The following UBE2K variants were observed in gnomAD, a reference collection of about 807,000 sequenced individuals.
UBE2K encodes the protein ubiquitin-conjugating enzyme E2 K.
A neutral mutation model predicts 30.0 loss-of-function variants in UBE2K; 6 were observed. The ratio of observed to expected loss-of-function variants is 0.20; its 90% CI spans 0.11 to 0.39. The LOEUF (loss-of-function observed/expected upper bound fraction) is 0.39. UBE2K is among the 10% of genes least tolerant of loss of function. The pLI, the probability that UBE2K is intolerant of heterozygous loss-of-function variation, is 1.00. For synonymous variants in UBE2K, 86 were observed against 83.7 expected (o/e 1.03, Z -0.15); for missense variants, 61 against 241.6 (o/e 0.25, Z 4.96).
chr4:39,743,045 G>GTA (rs1302316221), intron 2 of UBE2K, among the ~76,000 whole-genome samples: 1 of 140,538 alleles, frequency 7.1e-6, no homozygotes, highest in African/African-American at 2.6e-5. Flanking sequence ...CCCTGTCTCA[G>GTA]GAAAAAAAAA....
intron 6 of UBE2K, 92 bp from the exon 7 acceptor site, chr4:39,778,268 G>T: frequency 1.5e-6 from 1 of 685,774 alleles, no homozygotes; most frequent in Non-Finnish European, 2.3e-6. Flanking sequence ...AAAGAAACAA[G>T]GTGTTAATTC....
chr4:39,712,861 C>CTTT (rs542180052), intron 1 of UBE2K, among the ~76,000 whole-genome samples: 22 of 133,702 alleles, frequency 1.6e-4, no homozygotes, highest in African/African-American at 6.1e-4. Flanking sequence ...TTAGTGTTTA[C>CTTT]TTTTTTTTTT....
intron 4 of UBE2K, among the ~76,000 whole-genome samples, chr4:39,757,424 A>T (rs188034707): frequency 6.6e-6 from 1 of 152,056 alleles, no homozygotes; most frequent in Admixed American, 6.6e-5. Context: ...CCAGTGGTTT[A>T]CTTAGTAACT....
chr4:39,771,438 G>A (rs908906350), intron 4 of UBE2K: 3 of 1,587,636 alleles, frequency 1.9e-6, no homozygotes, highest in Non-Finnish European at 2.6e-6. Context: ...AGAGGCCATT[G>A]TGGCGGGGGT....
chr4:39,768,276 C>A (rs868368951), intron 4 of UBE2K, among the ~76,000 whole-genome samples: 28 of 113,526 alleles, frequency 2.5e-4, no homozygotes, highest in East Asian at 2.6e-4. Context: ...CCGTCTCTAC[C>A]AAAAAAAAAA....
At chr4:39,707,445 C>T (rs755826385) in intron 1 of UBE2K, among the ~76,000 whole-genome samples, 7 of 151,870 alleles carry the variant, frequency 4.6e-5, no homozygotes, top group Non-Finnish European at 8.8e-5. Context: ...GGTGATCCGC[C>T]TGCCTTGGCT....
intron 1 of UBE2K, among the ~76,000 whole-genome samples, chr4:39,723,460 C>T (rs1719545910): frequency 6.6e-6 from 1 of 151,532 alleles, no homozygotes; most frequent in Non-Finnish European, 1.5e-5. Flanking sequence ...GCTCTGCCTC[C>T]CAGGTTCATG....
chr4:39,721,296 C>G (rs746394050), intron 1 of UBE2K, among the ~76,000 whole-genome samples: 5 of 152,038 alleles, frequency 3.3e-5, no homozygotes, highest in Non-Finnish European at 5.9e-5. Flanking sequence ...TTTAGGAAAC[C>G]TTTTTAGGTA....
intron 1 of UBE2K, among the ~76,000 whole-genome samples, chr4:39,703,028 C>T (rs144763516): frequency 0.011 from 1,653 of 152,078 alleles, 39 homozygotes; most frequent in African/African-American, 0.038. Flanking sequence ...GAGTCTTGCT[C>T]AGTCACCCAG....
chr4:39,728,827 G>GTTTTTTTTTTTTTTTTTT (rs372834149), intron 1 of UBE2K, among the ~76,000 whole-genome samples: 2 of 128,672 alleles, frequency 1.6e-5, no homozygotes, highest in East Asian at 2.1e-4. Context: ...TGTTTTTTTT[G>GTTTTTTTTTTTTTTTTTT]TTTTTTTTTT....
chr4:39,767,300 T>G (rs1025393010), intron 4 of UBE2K, among the ~76,000 whole-genome samples: 2 of 79,066 alleles, frequency 2.5e-5, no homozygotes, highest in Admixed American at 1.1e-4. Flanking sequence ...TTTTTTTCTG[T>G]TTTTTTTTTT....
At chr4:39,704,910 C>T (rs1489820786) in intron 1 of UBE2K, among the ~76,000 whole-genome samples, 2 of 144,772 alleles carry the variant, frequency 1.4e-5, no homozygotes, top group African/African-American at 5.3e-5. Flanking sequence ...CTCCCTCTGT[C>T]GCCCAGGCTG....
intron 5 of UBE2K, among the ~76,000 whole-genome samples, chr4:39,776,276 T>G (rs1713278571): frequency 1.3e-5 from 2 of 152,232 alleles, no homozygotes; most frequent in African/African-American, 4.8e-5. Flanking sequence ...TCTGTCACTA[T>G]ATTTACATAA....
intron 4 of UBE2K, among the ~76,000 whole-genome samples, chr4:39,772,154 T>C (rs1712927689): frequency 6.6e-6 from 1 of 152,124 alleles, no homozygotes; most frequent in African/African-American, 2.4e-5. Context: ...ACTTTTATCG[T>C]AGGCATCTAG....
intron 1 of UBE2K, among the ~76,000 whole-genome samples, chr4:39,708,888 C>A (rs1489404488): frequency 1.3e-5 from 2 of 149,878 alleles, no homozygotes; most frequent in Non-Finnish European, 3.0e-5. Flanking sequence ...TACAACTTTA[C>A]AGAAGGGGAT....
intron 1 of UBE2K, among the ~76,000 whole-genome samples, chr4:39,703,694 A>G (rs529575535): frequency 6.6e-6 from 1 of 151,924 alleles, no homozygotes; most frequent in South Asian, 2.1e-4. Flanking sequence ...TAAAAATACA[A>G]AAATTAGCCG....
intron 1 of UBE2K, among the ~76,000 whole-genome samples, chr4:39,725,714 A>G (rs1177775722): frequency 6.6e-6 from 1 of 152,118 alleles, no homozygotes; most frequent in African/African-American, 2.4e-5. Context: ...ATTTTCTTCC[A>G]TCCTCACTGT....
chr4:39,735,309 A>G (rs1204079248), intron 1 of UBE2K, among the ~76,000 whole-genome samples: 1 of 152,204 alleles, frequency 6.6e-6, no homozygotes, highest in Non-Finnish European at 1.5e-5. Flanking sequence ...TCCCTGGTTC[A>G]AGTGATTCTC....
intron 4 of UBE2K, among the ~76,000 whole-genome samples, chr4:39,759,323 C>T (rs529379704): frequency 5.6e-4 from 85 of 152,252 alleles, no homozygotes; most frequent in African/African-American, 1.9e-3. Flanking sequence ...GTCACCCAGG[C>T]TGGAGTGCAA....
Sources: gnomAD v4.1 joint callset for allele counts (sites outside exome capture counted in the v4.1 genomes callset) on GRCh38, gnomAD v4.1.1 for gene constraint, MANE v1.5 for transcripts, NCBI Gene and HGNC (gene_info 2026-07-23, HGNC 2026-07-21) for gene names.